Variants in SLC24A2 observed in about 807,000 individuals in gnomAD.
SLC24A2 encodes the protein sodium/potassium/calcium exchanger 2.
A neutral mutation model predicts 62.0 loss-of-function variants in SLC24A2; 36 were observed. That is an observed-to-expected ratio of 0.58 (90% CI 0.44 to 0.77). SLC24A2 has a LOEUF of 0.77. Among genes scored for constraint, SLC24A2 ranks in the 30% least tolerant of loss-of-function variants. The probability of loss-of-function intolerance (pLI) is 0.00; values close to 1 mark genes in which losing one functional copy is unlikely to be tolerated. For synonymous variants in SLC24A2, 358 were observed against 294.0 expected, an observed-to-expected ratio of 1.22 and a Z score of -2.23; for missense variants, 846 against 817.9, an observed-to-expected ratio of 1.03 and a Z score of -0.42.
chr9:20,169,316 T>C, the SLC24A2 span, among the ~76,000 whole-genome samples: 1 of 151,962 alleles, frequency 6.6e-6, no homozygotes, highest in African/African-American at 2.4e-5. Context: ...CCCACTCAGA[T>C]GGACAGAGCA....
chr9:20,008,422 G>A, the SLC24A2 span, among the ~76,000 whole-genome samples: 10 of 152,150 alleles, frequency 6.6e-5, no homozygotes, highest in African/African-American at 2.4e-4. Context: ...GGTTTTAGAG[G>A]ATGGTGGTGA....
the SLC24A2 span, among the ~76,000 whole-genome samples, chr9:19,828,970 C>T: frequency 6.6e-6 from 1 of 152,270 alleles, no homozygotes; most frequent in South Asian, 2.1e-4. Context: ...GGACACCCTG[C>T]AGCCCTCTCC....
chr9:19,673,637 A>G (rs1356616508), intron 2 of SLC24A2, among the ~76,000 whole-genome samples: 3 of 152,158 alleles, frequency 2.0e-5, no homozygotes, highest in Non-Finnish European at 4.4e-5. Context: ...TTTAGTACAG[A>G]TGCAGTTTCG....
chr9:19,891,864 T>A, the SLC24A2 span, among the ~76,000 whole-genome samples: 1 of 152,192 alleles, frequency 6.6e-6, no homozygotes. Flanking sequence ...AGATCAGCCC[T>A]CAAGACCCAA....
the SLC24A2 span, among the ~76,000 whole-genome samples, chr9:20,258,764 T>TTATC: frequency 0.04 from 5,551 of 139,512 alleles, 120 homozygotes; most frequent in Non-Finnish European, 0.046. Context: ...CTCCTCTCAT[T>TTATC]TATCTATCTA....
chr9:19,859,148 A>G, the SLC24A2 span, among the ~76,000 whole-genome samples: 28 of 152,370 alleles, frequency 1.8e-4, no homozygotes, highest in Middle Eastern at 0.014. Context: ...CATATATGTC[A>G]TGGAATACTA....
chr9:19,906,235 C>A, the SLC24A2 span, among the ~76,000 whole-genome samples: 1 of 151,934 alleles, frequency 6.6e-6, no homozygotes, highest in East Asian at 1.9e-4. Context: ...CTACTGGGTA[C>A]ATAACGAAAT....
the SLC24A2 span, among the ~76,000 whole-genome samples, chr9:19,889,909 G>A: frequency 3.9e-5 from 6 of 152,074 alleles, no homozygotes; most frequent in African/African-American, 1.4e-4. Flanking sequence ...TCTTTCTACC[G>A]ACTATCTCTT....
chr9:20,161,757 T>TACACACAC, the SLC24A2 span, among the ~76,000 whole-genome samples: 2,597 of 147,312 alleles, frequency 0.018, 53 homozygotes, highest in African/African-American at 0.05. Context: ...AACATGAAGA[T>TACACACAC]ACACACACAC....
At chr9:20,269,883 G>A in the SLC24A2 span, among the ~76,000 whole-genome samples, 1 of 152,178 alleles carries the variant, frequency 6.6e-6, no homozygotes, top group Non-Finnish European at 1.5e-5. Flanking sequence ...TGCTATAACA[G>A]AATACCTGAG....
chr9:19,542,508 G>A (rs1196401002), intron 8 of SLC24A2, among the ~76,000 whole-genome samples: 1 of 152,138 alleles, frequency 6.6e-6, no homozygotes, highest in Non-Finnish European at 1.5e-5. Context: ...GGGCATCCTT[G>A]TCTTGTGCCA....
chr9:20,301,310 G>A, the SLC24A2 span, among the ~76,000 whole-genome samples: 1 of 152,104 alleles, frequency 6.6e-6, no homozygotes, highest in Non-Finnish European at 1.5e-5. Flanking sequence ...TTGTTGTCTG[G>A]GGAGTACATT....
the SLC24A2 span, among the ~76,000 whole-genome samples, chr9:20,128,540 A>G: frequency 6.6e-6 from 1 of 152,146 alleles, no homozygotes; most frequent in East Asian, 1.9e-4. Flanking sequence ...ATTAATCAGA[A>G]CAACATTCAA....
chr9:19,527,808 G>GTAGT (rs1586894851), intron 9 of SLC24A2, among the ~76,000 whole-genome samples: 1 of 152,168 alleles, frequency 6.6e-6, no homozygotes, highest in East Asian at 1.9e-4. Flanking sequence ...GAGGCAAGAA[G>GTAGT]TAGTTAGACT....
At chr9:19,762,866 G>C (rs530377704) in intron 2 of SLC24A2, among the ~76,000 whole-genome samples, 1 of 149,072 alleles carries the variant, frequency 6.7e-6, no homozygotes, top group East Asian at 2.0e-4. Flanking sequence ...AAAGTCAATG[G>C]TAGCTTGATG....
chr9:20,175,309 C>A, the SLC24A2 span, among the ~76,000 whole-genome samples: 1 of 151,702 alleles, frequency 6.6e-6, no homozygotes, highest in African/African-American at 2.4e-5. Context: ...ATGTGTGCAC[C>A]AAAATCTCAC....
In SLC24A2 at chr9:19,548,889, C is replaced by T. The variant is rs1273089583; in HGVS notation, c.1479+1248G>A. Among the ~76,000 whole-genome samples the T allele has an allele frequency of 4.6e-5, 7 of 152,314 alleles. No homozygotes were observed. The East Asian group carries it at 1.2e-3, about 25-fold the overall frequency. On this transcript the variant is annotated intron_variant, in intron 8 of 10. Transcript: ENST00000341998. Reference sequence around the variant, plus strand: ...ACAGAAATGAGACTCTCACGAGGAACATTTAGTGCAGAATCTGATGCATAT... The same window carrying T: ...ACAGAAATGAGACTCTCACGAGGAATATTTAGTGCAGAATCTGATGCATAT...
At chr9:20,267,059 A>G in the SLC24A2 span, among the ~76,000 whole-genome samples, 2 of 60,318 alleles carry the variant, frequency 3.3e-5, no homozygotes, top group Non-Finnish European at 5.6e-5. Context: ...TTAAGAAATG[A>G]AAAAAAAAAA....
At chr9:20,132,651 A>T in the SLC24A2 span, among the ~76,000 whole-genome samples, 1 of 151,868 alleles carries the variant, frequency 6.6e-6, no homozygotes, top group Admixed American at 6.6e-5. Flanking sequence ...ACCCAATTCC[A>T]CTCTGCCAGT....
Sources: gnomAD v4.1 joint callset for allele counts (sites outside exome capture counted in the v4.1 genomes callset) on GRCh38, gnomAD v4.1.1 for gene constraint, MANE v1.5 for transcripts, NCBI Gene and HGNC (gene_info 2026-07-23, HGNC 2026-07-21) for gene names.